GALNTL6: variants seen among roughly 807,000 people sequenced by gnomAD.
GALNTL6 encodes the protein polypeptide N-acetylgalactosaminyltransferase like 6.
A neutral mutation model predicts 73.7 loss-of-function variants in GALNTL6; 46 were observed. The ratio of observed to expected loss-of-function variants is 0.62; its 90% confidence interval spans 0.49 to 0.80. The LOEUF is 0.80. Among genes scored for constraint, GALNTL6 ranks in the 30% least tolerant of loss-of-function variants. The pLI, the probability that GALNTL6 is intolerant of heterozygous loss-of-function variation, is 0.00. For missense variants in GALNTL6, 604 were observed against 755.0 expected (o/e 0.80, Z 2.34); for synonymous variants, 259 against 263.7 (o/e 0.98, Z 0.17).
At chr4:172,168,022 T>C (rs1734688164) in intron 2 of GALNTL6, among the ~76,000 whole-genome samples, 1 of 152,128 alleles carries the variant, frequency 6.6e-6, no homozygotes, top group Admixed American at 6.5e-5. Context: ...GATTCTGTTT[T>C]ATTGGTGCTT....
chr4:172,652,497 TGCC>T (rs1740520856), intron 5 of GALNTL6, among the ~76,000 whole-genome samples: 1 of 152,206 alleles, frequency 6.6e-6, no homozygotes, highest in Non-Finnish European at 1.5e-5. Context: ...AGAGACATTG[TGCC>T]TTTAGAATAA....
At chr4:172,796,653 A>G (rs573657746) in intron 5 of GALNTL6, among the ~76,000 whole-genome samples, 1 of 152,332 alleles carries the variant, frequency 6.6e-6, no homozygotes, top group Admixed American at 6.5e-5. Flanking sequence ...TTCATGATTT[A>G]ATAGCATTGT....
chr4:172,279,132 GA>G (rs1456538659), intron 3 of GALNTL6, among the ~76,000 whole-genome samples: 1 of 152,010 alleles, frequency 6.6e-6, no homozygotes, highest in Non-Finnish European at 1.5e-5. Context: ...CAACATAGGA[GA>G]AAAGTTTCAT....
At chr4:171,836,582 G>A (rs563735585) in intron 2 of GALNTL6, among the ~76,000 whole-genome samples, 6 of 152,104 alleles carry the variant, frequency 3.9e-5, no homozygotes, top group East Asian at 1.9e-4. Flanking sequence ...CAACATCATC[G>A]TAAATATGAT....
At position 172,700,583 on chromosome 4, in the gene GALNTL6, A is replaced by G. The variant is rs77298437; in HGVS notation, c.554-108778A>G. Among the ~76,000 whole-genome samples the G allele has an allele frequency of 5.0e-3, 756 of 152,276 alleles. 5 individuals are homozygous for G. Among genetic ancestry groups the G allele is most frequent in the African/African-American group, 0.017 (724 of 41,562 alleles). Reference sequence around the variant, plus strand: ...TTACCTGGTAATGAGGATAGAAATGAGGTCAGCCGGTTTTCCACAATCAGC... The same window carrying G: ...TTACCTGGTAATGAGGATAGAAATGGGGTCAGCCGGTTTTCCACAATCAGC... On this transcript the variant is annotated intron_variant, in intron 5 of 12. Transcript: ENST00000506823.
At chr4:172,868,125 CA>C (rs1046367006) in intron 7 of GALNTL6, among the ~76,000 whole-genome samples, 10 of 152,144 alleles carry the variant, frequency 6.6e-5, no homozygotes, top group African/African-American at 2.2e-4. Flanking sequence ...TATTTACAGC[CA>C]AAACCGAATA....
intron 5 of GALNTL6, among the ~76,000 whole-genome samples, chr4:172,603,514 A>G (rs1386719840): frequency 6.6e-6 from 1 of 152,182 alleles, no homozygotes; most frequent in Admixed American, 6.5e-5. Flanking sequence ...TCTCTGTAAT[A>G]TCACAAATAA....
intron 5 of GALNTL6, among the ~76,000 whole-genome samples, chr4:172,731,250 G>T (rs908514209): frequency 3.9e-5 from 6 of 152,068 alleles, no homozygotes; most frequent in Non-Finnish European, 8.8e-5. Context: ...GTTTTGTTAA[G>T]GTTTCCTATT....
chr4:172,083,952 G>T (rs936008485), intron 2 of GALNTL6, among the ~76,000 whole-genome samples: 3 of 152,160 alleles, frequency 2.0e-5, no homozygotes, highest in Non-Finnish European at 4.4e-5. Context: ...TAAGCTATCT[G>T]TAAGAACCCA....
intron 2 of GALNTL6, among the ~76,000 whole-genome samples, chr4:171,954,856 G>T (rs1738996302): frequency 6.6e-6 from 1 of 152,130 alleles, no homozygotes; most frequent in African/African-American, 2.4e-5. Context: ...GCACTTTCCA[G>T]TTGTCTCTCT....
intron 3 of GALNTL6, among the ~76,000 whole-genome samples, chr4:172,231,681 A>G (rs1579282330): frequency 6.6e-6 from 1 of 152,190 alleles, no homozygotes; most frequent in Non-Finnish European, 1.5e-5. Context: ...AGGATTAAAG[A>G]AAATATACCC....
rs544056072 is a variant in GALNTL6 at position 172,176,068 on chromosome 4, G to A, written c.139-53588G>A. Among the ~76,000 whole-genome samples, 6 of 152,100 alleles carry A rather than the reference G, an allele frequency of 3.9e-5. No individual in the cohort carries two copies. The East Asian group carries it at 7.7e-4, about 20-fold the overall frequency. ...ATAAGAGTGTATTCAGGCTGGGCGC[G>A]GTGGCTCACGCCTGTAATCCCAGCA... is the stretch of plus-strand genomic sequence containing the variant. On this transcript the variant is annotated intron_variant, in intron 2 of 12. Coordinates refer to ENST00000506823, the MANE Select transcript of GALNTL6 (RefSeq NM_001034845.3).
intron 5 of GALNTL6, among the ~76,000 whole-genome samples, chr4:172,378,839 T>A (rs1240038246): frequency 6.6e-6 from 1 of 152,078 alleles, no homozygotes; most frequent in East Asian, 1.9e-4. Context: ...TTGATTATAT[T>A]TTATTTTTAT....
At chr4:172,311,525 G>A (rs936658157) in intron 3 of GALNTL6, 89 bp from the exon 4 acceptor site, 17 of 1,074,502 alleles carry the variant, frequency 1.6e-5, no homozygotes, top group African/African-American at 1.4e-4. Context: ...AGCAATAGGC[G>A]ATAATACACA....
At chr4:172,181,899 A>G (rs947733295) in intron 2 of GALNTL6, among the ~76,000 whole-genome samples, 11 of 151,692 alleles carry the variant, frequency 7.3e-5, no homozygotes, top group Non-Finnish European at 1.2e-4. Flanking sequence ...TTGTATTTTT[A>G]GTAGAGACAG....
At chr4:171,967,451 T>TTTGTTTTTTG (rs749152521) in intron 2 of GALNTL6, among the ~76,000 whole-genome samples, 12,901 of 67,806 alleles carry the variant, frequency 0.19, 1,573 homozygotes, top group African/African-American at 0.45. Context: ...CTATGGGTTT[T>TTTGTTTTTTG]TTTTTTTTTT....
chr4:171,954,015 A>ATG (rs1244929794), intron 2 of GALNTL6, among the ~76,000 whole-genome samples: 1 of 152,194 alleles, frequency 6.6e-6, no homozygotes, highest in Non-Finnish European at 1.5e-5. Flanking sequence ...AGTAAGGTTG[A>ATG]TGTGCAAACC....
chr4:172,211,745 C>T (rs986738782), intron 2 of GALNTL6, among the ~76,000 whole-genome samples: 2 of 152,118 alleles, frequency 1.3e-5, no homozygotes, highest in Non-Finnish European at 2.9e-5. Context: ...ATCAAGGTGC[C>T]AGCAGATTTG....
intron 5 of GALNTL6, among the ~76,000 whole-genome samples, chr4:172,363,703 A>G (rs935883519): frequency 2.0e-5 from 3 of 152,208 alleles, no homozygotes; most frequent in Non-Finnish European, 2.9e-5. Flanking sequence ...GAAAATTATT[A>G]TAGGTTGAAC....
Sources: gnomAD v4.1 joint callset for allele counts (sites outside exome capture counted in the v4.1 genomes callset) on GRCh38, gnomAD v4.1.1 for gene constraint, MANE v1.5 for transcripts, NCBI Gene and HGNC (gene_info 2026-07-23, HGNC 2026-07-21) for gene names.